Variants in EFCAB11 observed in about 807,000 individuals in gnomAD.
The protein encoded by EFCAB11 is EF-hand calcium binding domain 11.
Under a neutral mutation model 23.0 loss-of-function variants are expected in EFCAB11, and 14 were observed. That is an observed-to-expected ratio of 0.61 (90% CI 0.40 to 0.95). The LOEUF (loss-of-function observed/expected upper bound fraction) is 0.95, where lower values mean the gene tolerates loss of function less well. EFCAB11 is among the 40% of genes least tolerant of loss of function. The pLI is 0.00. For synonymous variants in EFCAB11, 65 were observed against 66.6 expected (o/e 0.98, Z 0.11); for missense variants, 198 against 195.8 (o/e 1.01, Z -0.07).
chr14:89,910,748 C>T (rs1382237760), intron 5 of EFCAB11, among the ~76,000 whole-genome samples: 11 of 152,102 alleles, frequency 7.2e-5, no homozygotes, highest in Admixed American at 5.2e-4. Context: ...TTGCCAGCTT[C>T]ACTCGGAAGA....
intron 5 of EFCAB11, chr14:89,892,243 C>T (rs1326778052): frequency 1.2e-6 from 2 of 1,611,740 alleles, no homozygotes; most frequent in Non-Finnish European, 1.7e-6. Context: ...CCTCCCTGGG[C>T]ATGGCCTTCG....
rs1323058762 is a variant in EFCAB11, at chr14:89,924,663, G to T, written c.410+6878C>A. On this transcript the variant is annotated intron_variant, in intron 5 of 5. Transcript: ENST00000316738. Reference sequence around the variant, plus strand: ...CTGATGACAGCCGAAGTTAAATCATGCACTGAAAATGCCTCTGAAATAAAG... The same window carrying T: ...CTGATGACAGCCGAAGTTAAATCATTCACTGAAAATGCCTCTGAAATAAAG... 2.0e-6 allele frequency: 3 copies of T among 1,535,776 alleles called. No individual in the cohort carries two copies. In the Admixed American group the frequency reaches 5.9e-5, roughly 30 times the overall value.
At chr14:89,941,608 G>T (rs1890796950) in intron 3 of EFCAB11, among the ~76,000 whole-genome samples, 1 of 149,566 alleles carries the variant, frequency 6.7e-6, no homozygotes, top group African/African-American at 2.5e-5. Context: ...CAGAGATATG[G>T]TCTTGCTCTG....
intron 3 of EFCAB11, among the ~76,000 whole-genome samples, chr14:89,936,868 A>G (rs1890603673): frequency 6.6e-6 from 1 of 152,212 alleles, no homozygotes; most frequent in South Asian, 2.1e-4. Context: ...ACCTGCTGTC[A>G]CAACATTCAA....
chr14:89,902,848 A>G (rs1889384295), intron 5 of EFCAB11, among the ~76,000 whole-genome samples: 1 of 152,304 alleles, frequency 6.6e-6, no homozygotes, highest in East Asian at 1.9e-4. Flanking sequence ...TACTAAAGCT[A>G]TTACATTATT....
At chr14:89,854,509 G>A (rs566459417) in intron 5 of EFCAB11, among the ~76,000 whole-genome samples, 6 of 152,240 alleles carry the variant, frequency 3.9e-5, no homozygotes, top group East Asian at 1.9e-4. Context: ...CTTCAGTACC[G>A]GCAATCCATG....
chr14:89,939,775 A>G (rs1890727714), intron 3 of EFCAB11, among the ~76,000 whole-genome samples: 2 of 152,064 alleles, frequency 1.3e-5, no homozygotes, highest in South Asian at 2.1e-4. Flanking sequence ...GTCTTGCTCT[A>G]TCGCCCAGGC....
At chr14:89,952,411 A>C in intron 2 of EFCAB11, 5 of 985,438 alleles carry the variant, frequency 5.1e-6, no homozygotes, top group Non-Finnish European at 6.0e-6. Context: ...ATCCAAGTTA[A>C]ATACAATGCT....
intron 5 of EFCAB11, among the ~76,000 whole-genome samples, chr14:89,809,447 AG>A (rs112729735): frequency 0.01 from 1,577 of 152,304 alleles, 27 homozygotes; most frequent in African/African-American, 0.035. Context: ...GCCTCCAGGC[AG>A]GGCCACATCA....
At chr14:89,925,917 C>T (rs1456541437) in intron 5 of EFCAB11, among the ~76,000 whole-genome samples, 3 of 152,158 alleles carry the variant, frequency 2.0e-5, no homozygotes, top group African/African-American at 4.8e-5. Flanking sequence ...CAACCCCCGC[C>T]TCCAAAGTTC....
chr14:89,949,335 T>C (rs944980020), intron 3 of EFCAB11, among the ~76,000 whole-genome samples: 1 of 152,084 alleles, frequency 6.6e-6, no homozygotes, highest in Non-Finnish European at 1.5e-5. Flanking sequence ...AAAATAAAGA[T>C]GTGCTTAAAT....
intron 5 of EFCAB11, among the ~76,000 whole-genome samples, chr14:89,897,498 G>A (rs1889205437): frequency 6.6e-6 from 1 of 152,094 alleles, no homozygotes; most frequent in African/African-American, 2.4e-5. Context: ...GAGCCACCGC[G>A]CCCAGCCGTG....
chr14:89,888,475 G>C (rs1888861270), intron 5 of EFCAB11, among the ~76,000 whole-genome samples: 1 of 152,220 alleles, frequency 6.6e-6, no homozygotes, highest in African/African-American at 2.4e-5. Flanking sequence ...GAGCAGGCAT[G>C]TCACATGGCC....
At chr14:89,879,739 A>G (rs557424301) in intron 5 of EFCAB11, among the ~76,000 whole-genome samples, 45 of 152,256 alleles carry the variant, frequency 3.0e-4, no homozygotes, top group Admixed American at 2.9e-3. Flanking sequence ...ATTCATGGAG[A>G]CAATAATTTT....
intron 5 of EFCAB11, among the ~76,000 whole-genome samples, chr14:89,861,723 T>A (rs1887927611): frequency 6.6e-6 from 1 of 152,172 alleles, no homozygotes; most frequent in Admixed American, 6.5e-5. Context: ...AGAGGACTAT[T>A]GGCTTTATAA....
At chr14:89,925,608 G>A (rs1890165201) in intron 5 of EFCAB11, among the ~76,000 whole-genome samples, 1 of 151,064 alleles carries the variant, frequency 6.6e-6, no homozygotes, top group African/African-American at 2.4e-5. Context: ...CACAAATTGT[G>A]ACTACCAGCT....
intron 2 of EFCAB11, among the ~76,000 whole-genome samples, chr14:89,953,190 T>C (rs991679643): frequency 1.3e-5 from 2 of 151,660 alleles, no homozygotes; most frequent in Non-Finnish European, 2.9e-5. Flanking sequence ...GTGTGTATCA[T>C]TGCAGCAATG....
At chr14:89,828,952 A>G (rs1886797962) in intron 5 of EFCAB11, among the ~76,000 whole-genome samples, 1 of 152,220 alleles carries the variant, frequency 6.6e-6, no homozygotes, top group Non-Finnish European at 1.5e-5. Context: ...AACGATCCAG[A>G]AGGCTAACCC....
At chr14:89,839,901 C>T (rs755473691) in intron 5 of EFCAB11, among the ~76,000 whole-genome samples, 76 of 152,060 alleles carry the variant, frequency 5.0e-4, no homozygotes, top group Non-Finnish European at 1.0e-3. Flanking sequence ...CATTAGAAAC[C>T]GCCCCCATGA....
Sources: gnomAD v4.1 joint callset for allele counts (sites outside exome capture counted in the v4.1 genomes callset) on GRCh38, gnomAD v4.1.1 for gene constraint, MANE v1.5 for transcripts, NCBI Gene and HGNC (gene_info 2026-07-23, HGNC 2026-07-21) for gene names.